NOS1AP: variants seen among roughly 807,000 people sequenced by gnomAD.
NOS1AP encodes the protein nitric oxide synthase 1 adaptor protein, also known as carboxyl-terminal PDZ ligand of neuronal nitric oxide synthase protein.
A neutral mutation model predicts 56.2 loss-of-function variants in NOS1AP; 21 were observed. The ratio of observed to expected loss-of-function variants is 0.37; its 90% CI spans 0.26 to 0.54. The LOEUF is 0.54. NOS1AP is among the 20% of genes least tolerant of loss of function. The pLI, the probability that NOS1AP is intolerant of heterozygous loss-of-function variation, is 0.84. For synonymous variants in NOS1AP, 270 were observed against 274.6 expected, an observed-to-expected ratio of 0.98 and a Z score of 0.17; for missense variants, 522 against 657.8, an observed-to-expected ratio of 0.79 and a Z score of 2.26.
intron 1 of NOS1AP, among the ~76,000 whole-genome samples, chr1:162,142,267 G>A (rs1210418472): frequency 6.6e-6 from 1 of 152,174 alleles, no homozygotes; most frequent in East Asian, 1.9e-4. Context: ...TGGATAGAAT[G>A]ACAAGAGTGG....
At chr1:162,171,949 T>C (rs1160146409) in intron 2 of NOS1AP, among the ~76,000 whole-genome samples, 1 of 152,078 alleles carries the variant, frequency 6.6e-6, no homozygotes, top group Non-Finnish European at 1.5e-5. Context: ...CCTTAACCCG[T>C]TAAATGGAAA....
intron 2 of NOS1AP, among the ~76,000 whole-genome samples, chr1:162,184,163 G>A (rs960227790): frequency 6.6e-6 from 1 of 152,178 alleles, no homozygotes; most frequent in African/African-American, 2.4e-5. Flanking sequence ...AGAGGCCTGA[G>A]GAGAGGGAGA....
chr1:162,229,192 G>A (rs1000173453), intron 2 of NOS1AP, among the ~76,000 whole-genome samples: 5 of 152,178 alleles, frequency 3.3e-5, no homozygotes, highest in African/African-American at 4.8e-5. Context: ...TGTGGCTCGG[G>A]AAGGAGGCAG....
intron 1 of NOS1AP, among the ~76,000 whole-genome samples, chr1:162,123,844 G>A (rs1459615311): frequency 1.3e-5 from 2 of 151,888 alleles, no homozygotes; most frequent in Non-Finnish European, 2.9e-5. Context: ...CAGACAAGAT[G>A]TTCCTTCTTC....
intron 1 of NOS1AP, among the ~76,000 whole-genome samples, chr1:162,119,199 G>A (rs1428580459): frequency 6.6e-6 from 1 of 152,096 alleles, no homozygotes; most frequent in Non-Finnish European, 1.5e-5. Context: ...GTCCATGGAT[G>A]GGAACTCTTC....
intron 2 of NOS1AP, among the ~76,000 whole-genome samples, chr1:162,255,490 A>ATTTTTTTTGTTTTTTTTTTTTTT (rs1653998092): frequency 1.6e-5 from 1 of 60,974 alleles, no homozygotes; most frequent in Non-Finnish European, 3.5e-5. Flanking sequence ...GCTGCTGCTG[A>ATTTTTTTTGTTTTTTTTTTTTTT]TTTTTTTTTT....
At chr1:162,261,509 A>AG (rs765340364) in intron 2 of NOS1AP, among the ~76,000 whole-genome samples, 509 of 15,158 alleles carry the variant, frequency 0.034, 185 homozygotes, top group Middle Eastern at 0.071. Flanking sequence ...AGAGAGAGAG[A>AG]GAGAGAGAGA....
rs149756572 is a variant in NOS1AP at position 162,167,101 on chromosome 1, C to T, written c.177+12625C>T. Among the ~76,000 whole-genome samples the T allele has an allele frequency of 2.2e-3, 333 of 152,304 alleles. 3 individuals are homozygous for T. Among genetic ancestry groups the T allele is most frequent in the African/African-American group, 7.5e-3 (311 of 41,544 alleles). ...TGTTCCTTACTCTCTCTTCCTGCTG[C>T]ACTAAGTCTCTGCCTCCCTGGAGAG... is the stretch of plus-strand genomic sequence containing the variant. On this transcript the variant is annotated intron_variant, in intron 2 of 9. Transcript: ENST00000361897.
intron 2 of NOS1AP, among the ~76,000 whole-genome samples, chr1:162,193,062 C>T (rs926437697): frequency 2.0e-5 from 3 of 152,192 alleles, no homozygotes; most frequent in Admixed American, 6.5e-5. Flanking sequence ...TGTGCTTTTG[C>T]GAACACTCAG....
intron 2 of NOS1AP, among the ~76,000 whole-genome samples, chr1:162,159,616 C>T (rs183596552): frequency 2.4e-4 from 37 of 152,250 alleles, no homozygotes; most frequent in Admixed American, 2.4e-3. Context: ...GTCATCTTGT[C>T]CTCTCATGTT....
chr1:162,081,770 A>ATT (rs1400188804), intron 1 of NOS1AP, among the ~76,000 whole-genome samples: 5 of 15,782 alleles, frequency 3.2e-4, no homozygotes, highest in African/African-American at 5.9e-4. Context: ...ATATATATAT[A>ATT]TATATTTTTT....
intron 2 of NOS1AP, among the ~76,000 whole-genome samples, chr1:162,187,698 T>C (rs1379927852): frequency 6.6e-6 from 1 of 152,100 alleles, no homozygotes; most frequent in Non-Finnish European, 1.5e-5. Flanking sequence ...GTAGAAGATG[T>C]TGGAGATAGT....
At chr1:162,098,511 T>TCC in intron 1 of NOS1AP, among the ~76,000 whole-genome samples, 1 of 150,842 alleles carries the variant, frequency 6.6e-6, no homozygotes, top group East Asian at 1.9e-4. Context: ...TTTTTTTCTC[T>TCC]AACTTTTATT....
At chr1:162,223,440 G>T (rs1652848954) in intron 2 of NOS1AP, among the ~76,000 whole-genome samples, 2 of 151,908 alleles carry the variant, frequency 1.3e-5, no homozygotes, top group African/African-American at 4.8e-5. Flanking sequence ...TGGGGTGGGG[G>T]AGCTCTGTGA....
At chr1:162,159,546 C>T (rs1029248491) in intron 2 of NOS1AP, among the ~76,000 whole-genome samples, 9 of 152,234 alleles carry the variant, frequency 5.9e-5, no homozygotes, top group South Asian at 2.1e-4. Flanking sequence ...TAATAGCTAG[C>T]GCCTTTTTTT....
At chr1:162,364,982 G>A (rs1658020312) in intron 8 of NOS1AP, 1 of 1,055,958 alleles carries the variant, frequency 9.5e-7, no homozygotes. Context: ...TGAGAAGAGA[G>A]TGCCCCCTTC....
chr1:162,330,498 G>A (rs1432079141), intron 4 of NOS1AP, among the ~76,000 whole-genome samples: 1 of 152,230 alleles, frequency 6.6e-6, no homozygotes, highest in Non-Finnish European at 1.5e-5. Flanking sequence ...CATCAAAGGT[G>A]TTCACAGCAG....
At chr1:162,329,809 A>G (rs1656708406) in intron 4 of NOS1AP, among the ~76,000 whole-genome samples, 1 of 152,204 alleles carries the variant, frequency 6.6e-6, no homozygotes, top group African/African-American at 2.4e-5. Context: ...CCTCTTGGTT[A>G]TGTTGGTGGA....
At chr1:162,287,464 G>T in intron 3 of NOS1AP, 28 bp downstream of exon 3, 3 of 1,497,954 alleles carry the variant, frequency 2.0e-6, no homozygotes. Flanking sequence ...AGAATCTGAG[G>T]TGAAGAGGAA....
Sources: allele counts gnomAD v4.1 joint callset (sites outside exome capture counted in the v4.1 genomes callset), GRCh38; gene constraint gnomAD v4.1.1; transcripts MANE v1.5; gene names NCBI Gene and HGNC (gene_info 2026-07-23, HGNC 2026-07-21).